The following ENTREP2 variants were observed in gnomAD, a reference collection of about 807,000 sequenced individuals.
ENTREP2 encodes endosomal transmembrane epsin interactor 2, also known as protein ENTREP2.
At chr15:29,133,771 G>T in the ENTREP2 span, among the ~76,000 whole-genome samples, 1 of 152,162 alleles carries the variant, frequency 6.6e-6, no homozygotes, top group East Asian at 1.9e-4. Context: ...CCCAGTGACA[G>T]CGGCAGCTAA....
At chr15:29,410,074 G>A in the ENTREP2 span, among the ~76,000 whole-genome samples, 15 of 152,144 alleles carry the variant, frequency 9.9e-5, no homozygotes, top group Admixed American at 5.9e-4. Flanking sequence ...CAGATGCTGC[G>A]TGCCTGCCCT....
At chr15:29,623,678 T>C in the ENTREP2 span, among the ~76,000 whole-genome samples, 791 of 152,252 alleles carry the variant, frequency 5.2e-3, 8 homozygotes, top group Middle Eastern at 6.8e-3. Flanking sequence ...GTTTTGTTTT[T>C]AAATCAAGAA....
At chr15:29,177,897 G>T in the ENTREP2 span, among the ~76,000 whole-genome samples, 1 of 151,938 alleles carries the variant, frequency 6.6e-6, no homozygotes, top group Admixed American at 6.6e-5. Flanking sequence ...GGCGAGGGGA[G>T]GCAGGGCGGG....
the ENTREP2 span, among the ~76,000 whole-genome samples, chr15:29,407,405 CTCTCCAACAGCCCTGAGG>C: frequency 6.6e-6 from 1 of 152,168 alleles, no homozygotes; most frequent in Non-Finnish European, 1.5e-5. Flanking sequence ...TTCATCCTAG[CTCTCCAACAGCCCTGAGG>C]TCTCCCTCAC....
At chr15:29,463,902 G>C in the ENTREP2 span, among the ~76,000 whole-genome samples, 350 of 152,280 alleles carry the variant, frequency 2.3e-3, 1 homozygote, top group African/African-American at 7.8e-3. Context: ...ATTGACACAT[G>C]CTCCAACACG....
At chr15:29,216,706 C>T in the ENTREP2 span, among the ~76,000 whole-genome samples, 3 of 152,116 alleles carry the variant, frequency 2.0e-5, no homozygotes, top group East Asian at 5.8e-4. Context: ...TTTCTTCTTC[C>T]TATTGACTCA....
At chr15:29,535,557 A>G in the ENTREP2 span, among the ~76,000 whole-genome samples, 1 of 152,092 alleles carries the variant, frequency 6.6e-6, no homozygotes, top group Non-Finnish European at 1.5e-5. Context: ...AGGTATGGTG[A>G]TAAGCACCTA....
chr15:29,268,355 A>T, the ENTREP2 span: 1 of 158,482 alleles, frequency 6.3e-6, no homozygotes, highest in Non-Finnish European at 1.4e-5. Flanking sequence ...ATAGGTTAAC[A>T]TAATAAGGAT....
chr15:29,528,136 A>G, the ENTREP2 span, among the ~76,000 whole-genome samples: 1 of 152,116 alleles, frequency 6.6e-6, no homozygotes, highest in Non-Finnish European at 1.5e-5. Context: ...GACGCAAACA[A>G]TAAGCACAAC....
the ENTREP2 span, among the ~76,000 whole-genome samples, chr15:29,553,645 A>C: frequency 1.1e-4 from 17 of 152,194 alleles, no homozygotes; most frequent in African/African-American, 4.1e-4. Context: ...AAAAGCAAGC[A>C]GTTTCCACCT....
At chr15:29,196,632 GAC>G in the ENTREP2 span, 3 of 1,504,656 alleles carry the variant, frequency 2.0e-6, no homozygotes, top group East Asian at 2.5e-5. Context: ...ACGCGTGAGT[GAC>G]ACAGTTCAGA....
chr15:29,543,253 G>A, the ENTREP2 span, among the ~76,000 whole-genome samples: 1 of 152,256 alleles, frequency 6.6e-6, no homozygotes, highest in East Asian at 1.9e-4. Flanking sequence ...GACTCCTATG[G>A]TGCCAGTGAA....
the ENTREP2 span, among the ~76,000 whole-genome samples, chr15:29,457,164 A>G: frequency 6.6e-6 from 1 of 152,224 alleles, no homozygotes; most frequent in African/African-American, 2.4e-5. Flanking sequence ...AAGGAAGCAC[A>G]GAAGCCGGCA....
At chr15:29,561,442 C>T in the ENTREP2 span, among the ~76,000 whole-genome samples, 1 of 152,130 alleles carries the variant, frequency 6.6e-6, no homozygotes, top group Non-Finnish European at 1.5e-5. Context: ...AATCCCCGCA[C>T]TTTGGGAGGC....
At chr15:29,653,431 A>G in the ENTREP2 span, among the ~76,000 whole-genome samples, 1 of 152,138 alleles carries the variant, frequency 6.6e-6, no homozygotes, top group Admixed American at 6.5e-5. Flanking sequence ...CCAAAATTTC[A>G]TTTTGAGTTG....
chr15:29,388,980 G>A, the ENTREP2 span, among the ~76,000 whole-genome samples: 15,782 of 112,864 alleles, frequency 0.14, 1,163 homozygotes, highest in Non-Finnish European at 0.18. Flanking sequence ...GGGGGGAGGG[G>A]GGAGGGAAAA....
the ENTREP2 span, among the ~76,000 whole-genome samples, chr15:29,650,608 C>A: frequency 1.0e-3 from 149 of 143,906 alleles, no homozygotes; most frequent in African/African-American, 3.3e-3. Flanking sequence ...AAACAAAAAA[C>A]AAAAAAAAAA....
the ENTREP2 span, among the ~76,000 whole-genome samples, chr15:29,439,284 T>TACAAACACACACACACACACAC: frequency 2.1e-5 from 2 of 97,090 alleles, 1 homozygote; most frequent in African/African-American, 1.0e-4. Context: ...AAATTGGAAT[T>TACAAACACACACACACACACAC]ACACACACAC....
the ENTREP2 span, among the ~76,000 whole-genome samples, chr15:29,657,111 G>A: frequency 2.3e-4 from 35 of 152,088 alleles, no homozygotes; most frequent in Admixed American, 2.0e-3. Context: ...GCAGTGGCGC[G>A]GTCTTGGCTC....
Sources: allele counts gnomAD v4.1 joint callset (sites outside exome capture counted in the v4.1 genomes callset), GRCh38; gene constraint gnomAD v4.1.1; transcripts MANE v1.5; gene names NCBI Gene and HGNC (gene_info 2026-07-23, HGNC 2026-07-21).